Variants in BTRC observed in about 807,000 individuals in gnomAD.
The protein encoded by BTRC is beta-transducin repeat containing E3 ubiquitin protein ligase.
A neutral mutation model predicts 85.5 loss-of-function variants in BTRC; 42 were observed. That is an observed-to-expected ratio of 0.49 (90% CI 0.38 to 0.64). The LOEUF is 0.64. Ranked by LOEUF, BTRC falls within the 30% of genes least tolerant of loss-of-function variation. The pLI, the probability that BTRC is intolerant of heterozygous loss-of-function variation, is 0.00. For missense variants in BTRC, 594 were observed against 743.5 expected, an observed-to-expected ratio of 0.80 and a Z score of 2.34; for synonymous variants, 255 against 263.3, an observed-to-expected ratio of 0.97 and a Z score of 0.30.
At chr10:101,384,864 C>G (rs1045450085) in intron 1 of BTRC, among the ~76,000 whole-genome samples, 2 of 152,120 alleles carry the variant, frequency 1.3e-5, no homozygotes, top group African/African-American at 2.4e-5. Flanking sequence ...GTTTTGAAAT[C>G]GTGGGACACT....
intron 1 of BTRC, among the ~76,000 whole-genome samples, chr10:101,400,490 A>G (rs1589423480): frequency 6.6e-6 from 1 of 152,288 alleles, no homozygotes; most frequent in African/African-American, 2.4e-5. Flanking sequence ...TTTTGAACTC[A>G]TTGTTAGAGC....
chr10:101,471,992 G>A (rs138114439), intron 3 of BTRC, among the ~76,000 whole-genome samples: 8 of 152,292 alleles, frequency 5.3e-5, no homozygotes, highest in African/African-American at 1.9e-4. Context: ...ATCGTTCTGA[G>A]TATTTCCATC....
intron 1 of BTRC, among the ~76,000 whole-genome samples, chr10:101,394,929 TA>T (rs1246291619): frequency 2.0e-5 from 3 of 152,166 alleles, no homozygotes; most frequent in African/African-American, 7.2e-5. Context: ...TCATAGCAGT[TA>T]CCAAGAATGC....
At chr10:101,531,201 C>T (rs2062275471) in intron 6 of BTRC, 36 bp from the exon 7 acceptor site, 2 of 1,458,958 alleles carry the variant, frequency 1.4e-6, no homozygotes, top group South Asian at 1.2e-5. Context: ...TATATAATGT[C>T]ATGATTTTCA....
At chr10:101,503,929 T>C (rs982014497) in intron 4 of BTRC, among the ~76,000 whole-genome samples, 1 of 152,202 alleles carries the variant, frequency 6.6e-6, no homozygotes, top group Non-Finnish European at 1.5e-5. Flanking sequence ...TTTCCTTCTT[T>C]ATTTAAACCC....
chr10:101,398,765 T>G (rs964167676), intron 1 of BTRC, among the ~76,000 whole-genome samples: 3 of 152,182 alleles, frequency 2.0e-5, no homozygotes, highest in Non-Finnish European at 2.9e-5. Flanking sequence ...TCGTCAGTTA[T>G]AAGAAATAAT....
intron 1 of BTRC, among the ~76,000 whole-genome samples, chr10:101,357,111 A>ACTCCAGCCTGCACTCCAGCCT (rs1942057969): frequency 6.6e-6 from 1 of 151,526 alleles, no homozygotes; most frequent in Non-Finnish European, 1.5e-5. Context: ...CCTGGGCGAC[A>ACTCCAGCCTGCACTCCAGCCT]GAGCAAGACT....
At chr10:101,493,246 T>TA (rs1946178597) in intron 4 of BTRC, among the ~76,000 whole-genome samples, 2 of 152,238 alleles carry the variant, frequency 1.3e-5, no homozygotes, top group South Asian at 2.1e-4. Context: ...GAAAAATTTT[T>TA]AAAAAGTACT....
chr10:101,551,077 C>T, intron 14 of BTRC, 186 bp downstream of exon 14: 1 of 495,802 alleles, frequency 2.0e-6, no homozygotes, highest in Non-Finnish European at 3.5e-6. Context: ...ACCAAGGTAG[C>T]CAGCCTCAGT....
chr10:101,443,227 T>G (rs1944737375), intron 2 of BTRC, among the ~76,000 whole-genome samples: 1 of 152,120 alleles, frequency 6.6e-6, no homozygotes, highest in Non-Finnish European at 1.5e-5. Flanking sequence ...TACCACAAAT[T>G]TGGGCAAGTT....
At chr10:101,541,572 T>C (rs968107961) in intron 13 of BTRC, among the ~76,000 whole-genome samples, 5 of 152,174 alleles carry the variant, frequency 3.3e-5, no homozygotes, top group Non-Finnish European at 5.9e-5. Context: ...GGGTTTTTCA[T>C]AGTGACCCAT....
intron 1 of BTRC, among the ~76,000 whole-genome samples, chr10:101,409,557 A>G (rs1943720152): frequency 6.6e-6 from 1 of 152,170 alleles, no homozygotes; most frequent in Non-Finnish European, 1.5e-5. Flanking sequence ...ATAGCCTACT[A>G]TATACCTGGG....
intron 3 of BTRC, among the ~76,000 whole-genome samples, chr10:101,476,061 C>A (rs1295255074): frequency 2.0e-5 from 3 of 151,460 alleles, no homozygotes; most frequent in African/African-American, 7.3e-5. Flanking sequence ...AGCATACCTT[C>A]TGATTTGATG....
chr10:101,456,017 C>CACACACACACACACACAA (rs1416141920), intron 2 of BTRC, among the ~76,000 whole-genome samples: 2 of 150,694 alleles, frequency 1.3e-5, no homozygotes, highest in Non-Finnish European at 3.0e-5. Context: ...CACACACACA[C>CACACACACACACACACAA]AAAATTAGCT....
At chr10:101,440,404 G>A (rs898892143) in intron 2 of BTRC, among the ~76,000 whole-genome samples, 2 of 152,124 alleles carry the variant, frequency 1.3e-5, no homozygotes, top group Admixed American at 6.5e-5. Flanking sequence ...TTCTTCTGGA[G>A]TATGGAAAAG....
chr10:101,397,981 A>G (rs933902275), intron 1 of BTRC, among the ~76,000 whole-genome samples: 4 of 152,250 alleles, frequency 2.6e-5, no homozygotes, highest in Non-Finnish European at 4.4e-5. Flanking sequence ...TGCTCATCAC[A>G]GCAAGATATT....
rs576959737 is a variant in BTRC at position 101,414,637 on chromosome 10, A to G, written c.49-15708A>G. 33 of 517,710 alleles carry G rather than the reference A, an allele frequency of 6.4e-5. 1 individual carries two copies. The highest frequency in any genetic ancestry group is 4.5e-4 in the South Asian group (32 of 71,322). The allele number at this position is 517,710 out of a possible 1,614,324, so 32.1% of individuals were successfully genotyped here. A position where few individuals can be genotyped will look rare whatever the true frequency, so the allele number is the denominator to read the frequency against. On this transcript the variant is annotated intron_variant, in intron 1 of 14. Transcript: ENST00000370187. ...GTCATAGGAGATGACAGGTCCATAG[A>G]TGTTAATTGCTCCCAAAGACCTTCC...
intron 2 of BTRC, chr10:101,453,602 G>A (rs1184629894): frequency 6.6e-6 from 1 of 152,126 alleles, no homozygotes; most frequent in African/African-American, 2.4e-5. Flanking sequence ...GTGTAAATTA[G>A]TTTAATTTTT....
intron 1 of BTRC, among the ~76,000 whole-genome samples, chr10:101,409,789 G>GA (rs1359625355): frequency 6.6e-6 from 1 of 152,186 alleles, no homozygotes; most frequent in African/African-American, 2.4e-5. Flanking sequence ...TGAGTTACCA[G>GA]AATTTGTTTA....
Sources: gnomAD v4.1 joint callset for allele counts (sites outside exome capture counted in the v4.1 genomes callset) on GRCh38, gnomAD v4.1.1 for gene constraint, MANE v1.5 for transcripts, NCBI Gene and HGNC (gene_info 2026-07-23, HGNC 2026-07-21) for gene names.